The following FAM81A variants were observed in gnomAD, a reference collection of about 807,000 sequenced individuals.
The protein encoded by FAM81A is protein FAM81A.
FAM81A carries 19 observed loss-of-function variants against 46.7 expected under a neutral mutation model. That is an observed-to-expected ratio of 0.41 (90% CI 0.28 to 0.60). The LOEUF (loss-of-function observed/expected upper bound fraction) is 0.60, where lower values mean the gene tolerates loss of function less well. Ranked by LOEUF, FAM81A falls within the 20% of genes least tolerant of loss-of-function variation. FAM81A has a pLI of 0.34. For synonymous variants in FAM81A, 183 were observed against 152.9 expected (o/e 1.20, Z -1.45); for missense variants, 377 against 453.5 (o/e 0.83, Z 1.53).
intron 2 of FAM81A, among the ~76,000 whole-genome samples, chr15:59,417,445 C>G (rs182709104): frequency 3.4e-4 from 52 of 152,208 alleles, no homozygotes; most frequent in African/African-American, 1.2e-3. Flanking sequence ...TTGGCTCACA[C>G]CTGTAATCCC....
intron 8 of FAM81A, among the ~76,000 whole-genome samples, 165 bp from the exon 9 acceptor site, chr15:59,521,089 A>C (rs139216107): frequency 2.9e-4 from 44 of 152,318 alleles, no homozygotes; most frequent in African/African-American, 1.0e-3. Context: ...AGTAATCTCT[A>C]GGGAGAAACT....
chr15:59,413,205 T>C (rs2081129869), intron 2 of FAM81A, among the ~76,000 whole-genome samples: 1 of 152,096 alleles, frequency 6.6e-6, no homozygotes, highest in African/African-American at 2.4e-5. Context: ...GGCTTACTAC[T>C]GGCTAATTTG....
chr15:59,456,712 A>G (rs1467778127), intron 1 of FAM81A, among the ~76,000 whole-genome samples: 1 of 152,046 alleles, frequency 6.6e-6, no homozygotes, highest in Non-Finnish European at 1.5e-5. Flanking sequence ...AGTAGCTTGG[A>G]CTACAGGTGT....
In FAM81A at chr15:59,507,270, C is replaced by T. The variant is rs1399991988; in HGVS notation, c.471C>T (p.Leu157=). Residue 157 remains leucine, a synonymous_variant, in exon 5 of 9, where the codon CTC becomes CTT. Transcript: ENST00000288228. The part of the protein sequence containing the change: ...SAEHKTTYEG[L]QHLNKEQQAA... ...AGCACAAAACGACCTATGAGGGGCT[C>T]CAGCACTTGAACAAAGAACAGCAGG... The T allele has an allele frequency of 2.5e-6, 4 of 1,611,806 alleles. No homozygotes were observed. Among genetic ancestry groups the T allele is most frequent in the Non-Finnish European group, 3.4e-6 (4 of 1,179,104 alleles).
chr15:59,403,220 A>G (rs1391416310), intron 2 of FAM81A, among the ~76,000 whole-genome samples: 1 of 150,462 alleles, frequency 6.6e-6, no homozygotes. Flanking sequence ...CTACCCCCCC[A>G]TCCCACACCC....
At chr15:59,490,055 C>A (rs1227369232) in intron 3 of FAM81A, among the ~76,000 whole-genome samples, 1 of 151,788 alleles carries the variant, frequency 6.6e-6, no homozygotes, top group African/African-American at 2.4e-5. Flanking sequence ...AACAAACATC[C>A]ATGGCACGAG....
chr15:59,475,169 A>C (rs186796188), intron 3 of FAM81A, among the ~76,000 whole-genome samples: 1 of 151,860 alleles, frequency 6.6e-6, no homozygotes, highest in Non-Finnish European at 1.5e-5. Flanking sequence ...TTTTGAGACA[A>C]GGTCTCACTC....
chr15:59,401,534 A>G, intron 1 of FAM81A: 2 of 754,384 alleles, frequency 2.7e-6, no homozygotes, highest in South Asian at 3.0e-5. Flanking sequence ...GCCATCTTGA[A>G]CAAAGCAGAC....
At chr15:59,432,281 G>A (rs1449543105) in intron 2 of FAM81A, among the ~76,000 whole-genome samples, 1 of 152,136 alleles carries the variant, frequency 6.6e-6, no homozygotes, top group Non-Finnish European at 1.5e-5. Context: ...GTAAGTACAC[G>A]AATCTTCACT....
intron 6 of FAM81A, among the ~76,000 whole-genome samples, chr15:59,512,886 G>A (rs573981158): frequency 6.6e-6 from 1 of 152,346 alleles, no homozygotes; most frequent in East Asian, 1.9e-4. Context: ...TGACTTTGAT[G>A]CATCATGAGG....
At chr15:59,481,294 G>A (rs891647052) in intron 3 of FAM81A, among the ~76,000 whole-genome samples, 3 of 152,110 alleles carry the variant, frequency 2.0e-5, no homozygotes, top group African/African-American at 7.2e-5. Flanking sequence ...CATCGCACCC[G>A]ACCCCAGAGC....
intron 1 of FAM81A, among the ~76,000 whole-genome samples, chr15:59,447,958 T>G (rs1450966368): frequency 6.6e-6 from 1 of 152,160 alleles, no homozygotes; most frequent in Non-Finnish European, 1.5e-5. Flanking sequence ...GTCTCCTGCC[T>G]CATCCATCTT....
intron 3 of FAM81A, among the ~76,000 whole-genome samples, chr15:59,482,420 C>T (rs1175331626): frequency 2.6e-5 from 4 of 152,138 alleles, no homozygotes; most frequent in Non-Finnish European, 4.4e-5. Flanking sequence ...AGGTGCCCGC[C>T]ACCATGCCTG....
intron 3 of FAM81A, among the ~76,000 whole-genome samples, chr15:59,489,314 TATACATACATAC>T: frequency 7.2e-6 from 1 of 139,630 alleles, no homozygotes; most frequent in Non-Finnish European, 1.6e-5. Flanking sequence ...TACATACATA[TATACATACATAC>T]ATACATACCT....
intron 1 of FAM81A, among the ~76,000 whole-genome samples, chr15:59,398,247 C>T (rs7171450): frequency 2.6e-5 from 4 of 152,140 alleles, no homozygotes. Flanking sequence ...GCAGGACAGA[C>T]TTTTTTTCAC....
At chr15:59,518,678 A>G (rs1400392260) in intron 8 of FAM81A, among the ~76,000 whole-genome samples, 3 of 152,140 alleles carry the variant, frequency 2.0e-5, no homozygotes, top group African/African-American at 7.2e-5. Flanking sequence ...TCTCTTATAA[A>G]TAACTTTAAT....
At chr15:59,455,641 T>G (rs1257050239) in intron 1 of FAM81A, among the ~76,000 whole-genome samples, 2 of 152,192 alleles carry the variant, frequency 1.3e-5, no homozygotes, top group Non-Finnish European at 2.9e-5. Context: ...CCATTCTGAA[T>G]AATGTGTCTT....
At chr15:59,518,448 G>T (rs1163222202) in intron 8 of FAM81A, among the ~76,000 whole-genome samples, 3 of 152,060 alleles carry the variant, frequency 2.0e-5, no homozygotes, top group South Asian at 2.1e-4. Context: ...CTCCTGAGCA[G>T]CTAGGACTAT....
chr15:59,409,533 A>G (rs1467989024), intron 2 of FAM81A, among the ~76,000 whole-genome samples: 4 of 152,160 alleles, frequency 2.6e-5, no homozygotes, highest in Non-Finnish European at 5.9e-5. Flanking sequence ...CTCCTTGAAG[A>G]GGTCCCAGGG....
Sources: allele counts gnomAD v4.1 joint callset (sites outside exome capture counted in the v4.1 genomes callset), GRCh38; gene constraint gnomAD v4.1.1; transcripts MANE v1.5; gene names NCBI Gene and HGNC (gene_info 2026-07-23, HGNC 2026-07-21).